The following CNBD1 variants were observed in gnomAD, a reference collection of about 807,000 sequenced individuals.
CNBD1 encodes the protein cyclic nucleotide-binding domain-containing protein 1.
In CNBD1, 71 loss-of-function variants were observed where a neutral mutation model predicts 54.4. The observed-to-expected ratio is 1.30, with a 90% CI of 1.08 to 1.59. CNBD1 has a LOEUF of 1.59. Among genes scored for constraint, CNBD1 ranks in the 40% most tolerant of loss-of-function variants. CNBD1 has a pLI of 0.00. For missense variants in CNBD1, 659 were observed against 518.0 expected (o/e 1.27, Z -2.64); for synonymous variants, 182 against 170.7 (o/e 1.07, Z -0.51).
intron 2 of CNBD1, among the ~76,000 whole-genome samples, chr8:87,392,116 A>G (rs573322019): frequency 5.9e-5 from 9 of 152,224 alleles, no homozygotes; most frequent in Admixed American, 3.3e-4. Flanking sequence ...AAGATTTCAT[A>G]CCTACTATTT....
At chr8:86,945,294 T>C (rs1807440300) in intron 4 of CNBD1, among the ~76,000 whole-genome samples, 1 of 152,204 alleles carries the variant, frequency 6.6e-6, no homozygotes, top group African/African-American at 2.4e-5. Flanking sequence ...TTTCTCCAAT[T>C]AACGATGTTT....
chr8:87,085,267 A>AT (rs1192059546), intron 4 of CNBD1, among the ~76,000 whole-genome samples: 2 of 152,108 alleles, frequency 1.3e-5, no homozygotes, highest in African/African-American at 4.8e-5. Flanking sequence ...TATGGATCAT[A>AT]TGTGGGCCTG....
intron 5 of CNBD1, among the ~76,000 whole-genome samples, chr8:87,227,006 G>C (rs891609546): frequency 4.6e-5 from 7 of 151,002 alleles, no homozygotes; most frequent in Non-Finnish European, 7.4e-5. Context: ...GGCCTTCTTT[G>C]TCTCTTTTGA....
At chr8:87,281,432 A>G (rs952912113) in intron 6 of CNBD1, among the ~76,000 whole-genome samples, 6 of 150,798 alleles carry the variant, frequency 4.0e-5, no homozygotes, top group Non-Finnish European at 7.4e-5. Context: ...CATTTAAACA[A>G]CTACATACAC....
At chr8:86,943,086 T>C (rs1807375371) in intron 4 of CNBD1, among the ~76,000 whole-genome samples, 1 of 151,096 alleles carries the variant, frequency 6.6e-6, no homozygotes, top group Non-Finnish European at 1.5e-5. Context: ...CACAGTAACT[T>C]TTTAAATAAA....
At position 87,064,892 on chromosome 8, in the gene CNBD1, T is replaced by C. The variant is rs559731139; in HGVS notation, c.431+125138T>C. On this transcript the variant is annotated intron_variant, in intron 4 of 10. Coordinates refer to ENST00000518476, the MANE Select transcript of CNBD1 (RefSeq NM_173538.3). ...TTTGCTTCTGTTCCATTCACTCTCT[T>C]TTCTTCTTCTAGAACAAAATTACAT... 3.3e-5 allele frequency among the ~76,000 whole-genome samples: 5 copies of C among 152,090 alleles called. No homozygotes were observed. In the South Asian group the frequency reaches 1.0e-3, roughly 32 times the overall value.
intron 10 of CNBD1, among the ~76,000 whole-genome samples, chr8:87,376,492 T>C (rs180986158): frequency 5.8e-4 from 88 of 152,056 alleles, no homozygotes; most frequent in African/African-American, 2.0e-3. Flanking sequence ...TGACACATGC[T>C]AACTTTTTTA....
rs1359338335 is a variant in CNBD1 at position 86,890,484 on chromosome 8, C to T, written c.158+2873C>T. 5.3e-5 allele frequency among the ~76,000 whole-genome samples: 8 copies of T among 152,188 alleles called. No individual in the cohort carries two copies. The East Asian group carries it at 1.4e-3, about 26-fold the overall frequency. On this transcript the variant is annotated intron_variant, in intron 2 of 10. Coordinates refer to ENST00000518476, the MANE Select transcript of CNBD1 (RefSeq NM_173538.3). ...TACCACATTTTTTTAGCCGTTTATTCACTGATGGACATTTAGGTTGATTTC... is the reference window on the plus strand; with the variant it reads ...TACCACATTTTTTTAGCCGTTTATTTACTGATGGACATTTAGGTTGATTTC...
chr8:87,081,445 G>A (rs1374093577), intron 4 of CNBD1, among the ~76,000 whole-genome samples: 1 of 150,658 alleles, frequency 6.6e-6, no homozygotes, highest in Non-Finnish European at 1.5e-5. Context: ...AATGTACCAT[G>A]TGCATTTGAA....
At chr8:87,246,733 C>G (rs1448740639) in intron 6 of CNBD1, among the ~76,000 whole-genome samples, 46 of 152,046 alleles carry the variant, frequency 3.0e-4, no homozygotes, top group Non-Finnish European at 5.9e-5. Context: ...GAGCAGCACT[C>G]CCCAACCTTT....
At chr8:87,381,784 G>T (rs571830127) in intron 10 of CNBD1, among the ~76,000 whole-genome samples, 1 of 151,850 alleles carries the variant, frequency 6.6e-6, no homozygotes, top group East Asian at 1.9e-4. Flanking sequence ...CTCATACGAG[G>T]TATCTAAAAT....
At chr8:87,087,463 CTTT>C (rs758497467) in intron 4 of CNBD1, among the ~76,000 whole-genome samples, 5 of 127,910 alleles carry the variant, frequency 3.9e-5, no homozygotes, top group Non-Finnish European at 6.6e-5. Flanking sequence ...GAAGTACATT[CTTT>C]TTTTTTTTTT....
chr8:87,038,646 C>T (rs183843460), intron 4 of CNBD1, among the ~76,000 whole-genome samples: 25 of 152,324 alleles, frequency 1.6e-4, no homozygotes, highest in African/African-American at 5.1e-4. Context: ...TCAGGCTCCT[C>T]ACATCTTCCT....
intron 2 of CNBD1, among the ~76,000 whole-genome samples, chr8:87,417,238 G>A (rs1272083264): frequency 6.6e-6 from 1 of 151,926 alleles, no homozygotes; most frequent in African/African-American, 2.4e-5. Flanking sequence ...TGAATGTGGA[G>A]GGGAACTGCC....
At chr8:87,261,529 C>A (rs1032523698) in intron 6 of CNBD1, among the ~76,000 whole-genome samples, 1,468 of 119,446 alleles carry the variant, frequency 0.012, no homozygotes, top group Non-Finnish European at 0.015. Flanking sequence ...TATTTATAGA[C>A]AAAAAAAAAA....
At chr8:87,336,501 G>C (rs916299511) in intron 8 of CNBD1, among the ~76,000 whole-genome samples, 2 of 151,818 alleles carry the variant, frequency 1.3e-5, no homozygotes, top group Admixed American at 1.3e-4. Context: ...ATTGATCCTT[G>C]TGTATGCTTC....
At chr8:87,124,033 G>A (rs754133310) in intron 4 of CNBD1, among the ~76,000 whole-genome samples, 2 of 151,536 alleles carry the variant, frequency 1.3e-5, no homozygotes, top group Admixed American at 6.6e-5. Flanking sequence ...TGGCTTCACT[G>A]CTAAATTCAC....
At chr8:86,879,377 G>GT (rs1322785849) in intron 1 of CNBD1, among the ~76,000 whole-genome samples, 1 of 152,148 alleles carries the variant, frequency 6.6e-6, no homozygotes, top group African/African-American at 2.4e-5. Context: ...AACTATTCTT[G>GT]TGGTGCTGTA....
intron 8 of CNBD1, among the ~76,000 whole-genome samples, chr8:87,299,350 T>C (rs1437427787): frequency 6.6e-6 from 1 of 152,144 alleles, no homozygotes; most frequent in East Asian, 1.9e-4. Context: ...GGTTTGTAGA[T>C]TTTCCTTCAC....
Sources: allele counts gnomAD v4.1 joint callset (sites outside exome capture counted in the v4.1 genomes callset), GRCh38; gene constraint gnomAD v4.1.1; transcripts MANE v1.5; gene names NCBI Gene and HGNC (gene_info 2026-07-23, HGNC 2026-07-21).